SERGEF: variants seen among roughly 807,000 people sequenced by gnomAD.
The protein encoded by SERGEF is secretion-regulating guanine nucleotide exchange factor.
In SERGEF, 51 loss-of-function variants were observed where a neutral mutation model predicts 50.0. That is an observed-to-expected ratio of 1.02 (90% CI 0.81 to 1.29). The LOEUF (loss-of-function observed/expected upper bound fraction) is 1.29. Ranked by LOEUF, SERGEF falls within the 50% of genes most tolerant of loss-of-function variation. The probability of loss-of-function intolerance (pLI) is 0.00; values close to 1 mark genes in which losing one functional copy is unlikely to be tolerated. For synonymous variants in SERGEF, 205 were observed against 212.4 expected (o/e 0.97, Z 0.30); for missense variants, 521 against 557.0 (o/e 0.94, Z 0.65).
chr11:17,860,924 G>A (rs1850914879), intron 10 of SERGEF, among the ~76,000 whole-genome samples: 1 of 152,186 alleles, frequency 6.6e-6, no homozygotes, highest in Non-Finnish European at 1.5e-5. Flanking sequence ...AGCAAGAAGG[G>A]ATCATCATGA....
At chr11:17,836,149 A>T (rs1021210734) in intron 10 of SERGEF, among the ~76,000 whole-genome samples, 1 of 152,256 alleles carries the variant, frequency 6.6e-6, no homozygotes, top group African/African-American at 2.4e-5. Flanking sequence ...CTAGGGATAC[A>T]GAGCTGGCAA....
intron 10 of SERGEF, among the ~76,000 whole-genome samples, chr11:17,789,828 A>G (rs1202857260): frequency 6.6e-6 from 1 of 152,164 alleles, no homozygotes; most frequent in East Asian, 1.9e-4. Context: ...TCAAAAAGTA[A>G]ATTAAAATTA....
At position 18,000,562 on chromosome 11, in the gene SERGEF, CA is replaced by C. The variant is rs752052746; in HGVS notation, c.448-6del. 7.6e-6 allele frequency: 12 copies of C among 1,575,500 alleles called. No individual in the cohort carries two copies. Among genetic ancestry groups the C allele is most frequent in the Admixed American group, 2.0e-5 (1 of 49,718 alleles). On this transcript the variant is annotated splice_polypyrimidine_tract_variant and splice_region_variant and intron_variant, in intron 4 of 10. Coordinates refer to ENST00000265965, the MANE Select transcript of SERGEF (RefSeq NM_012139.4). Reference sequence around the variant, plus strand: ...AACAACCTTCTCTTTATGGAGCTGTCAAAATAAAGAAAAGGATTTAGATCTC... The same window carrying C: ...AACAACCTTCTCTTTATGGAGCTGTCAAATAAAGAAAAGGATTTAGATCTC...
intron 10 of SERGEF, among the ~76,000 whole-genome samples, chr11:17,849,514 C>T (rs528523945): frequency 2.7e-5 from 4 of 146,240 alleles, no homozygotes; most frequent in African/African-American, 9.9e-5. Flanking sequence ...AATGAAAAGA[C>T]TTCTAGCATT....
chr11:17,815,141 C>T (rs774732045), intron 10 of SERGEF, among the ~76,000 whole-genome samples: 1 of 152,090 alleles, frequency 6.6e-6, no homozygotes, highest in Non-Finnish European at 1.5e-5. Context: ...GAGCTACCAT[C>T]GGGCCACCAC....
chr11:17,801,982 A>C (rs900165528), intron 10 of SERGEF, among the ~76,000 whole-genome samples: 2 of 152,210 alleles, frequency 1.3e-5, no homozygotes, highest in African/African-American at 4.8e-5. Flanking sequence ...ATAAAAAAAC[A>C]CATAATATTT....
At chr11:17,983,064 A>C (rs186782319) in intron 8 of SERGEF, among the ~76,000 whole-genome samples, 1 of 152,324 alleles carries the variant, frequency 6.6e-6, no homozygotes, top group East Asian at 1.9e-4. Context: ...GGTAACACTG[A>C]AGAAAGTAAA....
intron 9 of SERGEF, among the ~76,000 whole-genome samples, chr11:17,929,022 G>A (rs943836467): frequency 3.9e-5 from 6 of 152,230 alleles, no homozygotes; most frequent in South Asian, 4.1e-4. Context: ...TCAATCTATA[G>A]AATTCTATTT....
intron 8 of SERGEF, among the ~76,000 whole-genome samples, chr11:17,973,189 C>T (rs1011322050): frequency 6.6e-6 from 1 of 152,134 alleles, no homozygotes; most frequent in African/African-American, 2.4e-5. Flanking sequence ...AGAGGAGCTG[C>T]TTGAGTTCCC....
chr11:17,817,970 G>A (rs765994809), intron 10 of SERGEF, among the ~76,000 whole-genome samples: 21 of 152,194 alleles, frequency 1.4e-4, no homozygotes, highest in Non-Finnish European at 1.9e-4. Flanking sequence ...GGCTCTTCCA[G>A]CAGGTGACTT....
intron 10 of SERGEF, among the ~76,000 whole-genome samples, chr11:17,837,107 C>T (rs566244133): frequency 7.2e-5 from 11 of 152,270 alleles, no homozygotes; most frequent in Admixed American, 2.6e-4. Context: ...AGGTCTATTA[C>T]CTCTGACGTC....
At position 17,918,376 on chromosome 11, in the gene SERGEF, G is replaced by T. The variant is rs941814393; in HGVS notation, c.1012-40132C>A. The stretch of plus-strand genomic sequence containing the variant: ...TTCTGAATTACAGCACCAGAAGGTA[G>T]CAGCTCCCTGCAGGGTCAATACATC... On this transcript the variant is annotated intron_variant, in intron 9 of 10. Transcript: ENST00000265965. 2.0e-5 allele frequency among the ~76,000 whole-genome samples: 3 copies of T among 152,188 alleles called. 1 individual carries two copies. Among genetic ancestry groups the T allele is most frequent in the Admixed American group, 2.0e-4 (3 of 15,274 alleles).
intron 10 of SERGEF, among the ~76,000 whole-genome samples, chr11:17,871,209 G>T (rs750825767): frequency 6.6e-6 from 1 of 152,050 alleles, no homozygotes; most frequent in Non-Finnish European, 1.5e-5. Context: ...TTCATCAAAA[G>T]ACACGATTAA....
chr11:17,896,706 A>G (rs1590183823), intron 9 of SERGEF, among the ~76,000 whole-genome samples: 1 of 132,242 alleles, frequency 7.6e-6, no homozygotes, highest in Non-Finnish European at 1.6e-5. Flanking sequence ...AGGGTAAGGG[A>G]AGGGTAAGGG....
chr11:17,802,581 C>A (rs1849690909), intron 10 of SERGEF, among the ~76,000 whole-genome samples: 1 of 152,330 alleles, frequency 6.6e-6, no homozygotes, highest in East Asian at 1.9e-4. Flanking sequence ...CTCTCTGATA[C>A]CCACTGCTGC....
intron 9 of SERGEF, among the ~76,000 whole-genome samples, chr11:17,948,286 T>C (rs1852708395): frequency 6.6e-6 from 1 of 152,226 alleles, no homozygotes; most frequent in African/African-American, 2.4e-5. Flanking sequence ...ATCCCTGACA[T>C]CATTCTGACA....
chr11:17,855,733 A>G (rs1396083690), intron 10 of SERGEF: 6 of 152,228 alleles, frequency 3.9e-5, no homozygotes, highest in African/African-American at 1.4e-4. Context: ...ACTGCAGATA[A>G]GGGGAACTAC....
chr11:17,840,646 C>A (rs2133862118), intron 10 of SERGEF, among the ~76,000 whole-genome samples: 2 of 152,250 alleles, frequency 1.3e-5, no homozygotes, highest in Admixed American at 1.3e-4. Context: ...AGGGAGACTG[C>A]AGAAGAGAGG....
At chr11:17,969,238 C>T (rs1263814756) in intron 8 of SERGEF, among the ~76,000 whole-genome samples, 1 of 152,112 alleles carries the variant, frequency 6.6e-6, no homozygotes, top group Non-Finnish European at 1.5e-5. Context: ...GCTAGTTACA[C>T]CTAGAAGCTG....
Sources: gnomAD v4.1 joint callset for allele counts (sites outside exome capture counted in the v4.1 genomes callset) on GRCh38, gnomAD v4.1.1 for gene constraint, MANE v1.5 for transcripts, NCBI Gene and HGNC (gene_info 2026-07-23, HGNC 2026-07-21) for gene names.